SETD1A: variants seen among roughly 807,000 people sequenced by gnomAD.
The protein encoded by SETD1A is histone-lysine N-methyltransferase SETD1A.
A neutral mutation model predicts 149.9 loss-of-function variants in SETD1A; 29 were observed. The ratio of observed to expected loss-of-function variants is 0.19; its 90% confidence interval spans 0.14 to 0.26. The LOEUF is 0.26. Ranked by LOEUF, SETD1A falls within the 10% of genes least tolerant of loss-of-function variation. SETD1A has a pLI of 1.00. For synonymous variants in SETD1A, 1,141 were observed against 968.5 expected (o/e 1.18, Z -3.31); for missense variants, 2,109 against 2,353.1 (o/e 0.90, Z 2.15).
chr16:30,980,205 T>C lies in SETD1A; in HGVS notation c.4408+11T>C. On this transcript the variant is annotated intron_variant, in intron 14 of 18. Coordinates refer to ENST00000262519, the MANE Select transcript of SETD1A (RefSeq NM_014712.3). The surrounding 1 kb of genome is among the most constrained non-coding windows in gnomAD (Gnocchi z 7.7). ...GGGTCCATCACACAAATATCCTGAG[T>C]GTGGGCGGCCTTCCCCGGGCTTGGG... The C allele has an allele frequency of 1.9e-6, 3 of 1,587,738 alleles. No homozygotes were observed. The South Asian group carries it at 3.4e-5, about 18-fold the overall frequency.
Position 30,979,650 on chromosome 16 carries a change from C to A in SETD1A, c.3864C>A (p.Arg1288=). The A allele has an allele frequency of 6.2e-7, 1 of 1,609,774 alleles. No homozygotes were observed. Among genetic ancestry groups the A allele is most frequent in the Non-Finnish European group, 8.5e-7 (1 of 1,179,724 alleles). The change falls in exon 14 of 19, where the codon CGC becomes CGA. Residue 1288 remains arginine, a synonymous_variant. Transcript: ENST00000262519. ...EATETSDEAE[R]PRPLLSHILL... ...CAGAGACATCGGACGAGGCCGAGCG[C>A]CCTAGGCCCCTGCTCAGCCACATCC...
At chr16:30,959,029 C>T in intron 2 of SETD1A, 62 bp from the exon 3 acceptor site, 3 of 1,467,180 alleles carry the variant, frequency 2.0e-6, no homozygotes, top group Middle Eastern at 1.7e-4. Flanking sequence ...AGATGGGCTG[C>T]TTGGAGCTCC....
At chr16:30,960,620 C>T (rs930798447) in intron 3 of SETD1A, among the ~76,000 whole-genome samples, 16 of 152,088 alleles carry the variant, frequency 1.1e-4, no homozygotes, top group Admixed American at 9.2e-4. Context: ...ATTTCCAGTG[C>T]CTCGTTCATG....
chr16:30,981,201 C>G, intron 17 of SETD1A, 21 bp downstream of exon 17: 1 of 1,613,260 alleles, frequency 6.2e-7, no homozygotes, highest in Non-Finnish European at 8.5e-7. Context: ...ACTCCCAGCC[C>G]CGCCCCGGCT....
intron 10 of SETD1A, among the ~76,000 whole-genome samples, chr16:30,967,836 C>G (rs993931566): frequency 2.0e-5 from 3 of 152,172 alleles, no homozygotes; most frequent in Non-Finnish European, 2.9e-5. Flanking sequence ...CCATGAAATT[C>G]AGTGTCTGGA....
intron 11 of SETD1A, 56 bp downstream of exon 11, chr16:30,969,518 T>G (rs2056197801): frequency 1.3e-6 from 2 of 1,599,802 alleles, no homozygotes; most frequent in Non-Finnish European, 8.5e-7. Flanking sequence ...GCCAGCATCT[T>G]TGTGGTTGGA....
chr16:30,966,159 C>T lies in SETD1A; in HGVS notation c.2278C>T (p.Pro760Ser). 4.4e-6 allele frequency: 7 copies of T among 1,608,516 alleles called. No individual in the cohort carries two copies. Among genetic ancestry groups the T allele is most frequent in the South Asian group, 1.1e-5 (1 of 90,690 alleles). Residue 760 changes from proline to serine, a missense_variant, in exon 8 of 19, where the codon CCC becomes TCC. Physicochemically the swap from Pro to Ser is moderately conservative, Grantham distance 74. Coordinates refer to ENST00000262519, the MANE Select transcript of SETD1A (RefSeq NM_014712.3). ...CATGCCAATGGCAGCCGAGCCCCTGCCCTCCTCCTCAGTCTCGGGAGAGGA... is the reference window on the plus strand; with the variant it reads ...CATGCCAATGGCAGCCGAGCCCCTGTCCTCCTCCTCAGTCTCGGGAGAGGA... ...LPMPMAAEPL[P>S]SSSVSGEEAR...
intron 4 of SETD1A, among the ~76,000 whole-genome samples, chr16:30,962,184 C>T (rs1368425685): frequency 2.0e-5 from 3 of 152,078 alleles, no homozygotes; most frequent in African/African-American, 4.8e-5. Context: ...TCTGCCTCAG[C>T]CTCTTGAGTA....
At position 30,958,649 on chromosome 16, in the gene SETD1A, A is replaced by G. The variant is rs1336511562; in HGVS notation, c.-15-68A>G. 4.3e-6 allele frequency: 6 copies of G among 1,388,262 alleles called. No homozygotes were observed. In the East Asian group the frequency reaches 9.2e-5, roughly 21 times the overall value. 86.0% of individuals were successfully genotyped at this position (1,388,262 alleles called of 1,614,324 possible). On this transcript the variant is annotated intron_variant, in intron 1 of 18. Coordinates refer to ENST00000262519, the MANE Select transcript of SETD1A (RefSeq NM_014712.3). ...GAGAACCTGGAATCGGGGCTAGCCA[A>G]TGAGGAAAGGCAGGGGAGTCAGGCC...
rs2056160569 is a variant in SETD1A at position 30,967,211 on chromosome 16, T to C, written c.2682+151T>C. 6 of 662,888 alleles carry C rather than the reference T, an allele frequency of 9.1e-6. No homozygotes were observed. In the East Asian group the frequency reaches 1.7e-4, roughly 18 times the overall value. 41.1% of individuals were successfully genotyped at this position (662,888 alleles called of 1,614,324 possible). A position where few individuals can be genotyped will look rare whatever the true frequency, so the allele number is the denominator to read the frequency against. On this transcript the variant is annotated intron_variant, in intron 9 of 18. Transcript: ENST00000262519. The stretch of plus-strand genomic sequence containing the variant: ...CTCTGTTGCCCAGGCTGGAGTGCAG[T>C]GGCCTGATCTCAGCTCACTGCAACC...
Position 30,961,138 on chromosome 16 carries a change from G to A in SETD1A, c.247-129G>A, listed in dbSNP as rs187183485. ...AGGTCTGATGGATCCCTTATTTTGG[G>A]CCCCTTCCCTTGCCCCTCACTTTCC... On this transcript the variant is annotated intron_variant, in intron 3 of 18. Coordinates refer to ENST00000262519, the MANE Select transcript of SETD1A (RefSeq NM_014712.3). This position sits in a 1 kb window ranked among gnomAD's most constrained non-coding sequence, Gnocchi z 4.0. The A allele has an allele frequency of 5.0e-4, 435 of 875,906 alleles. No individual in the cohort carries two copies. In the African/African-American group the frequency reaches 6.4e-3, roughly 13 times the overall value. 54.3% of individuals were successfully genotyped at this position (875,906 alleles called of 1,614,324 possible).
At chr16:30,968,280 G>A (rs1399391964) in intron 10 of SETD1A, among the ~76,000 whole-genome samples, 1 of 152,080 alleles carries the variant, frequency 6.6e-6, no homozygotes, top group Non-Finnish European at 1.5e-5. Context: ...GTGTTCACCT[G>A]TAATCCCAGC....
intron 17 of SETD1A, among the ~76,000 whole-genome samples, chr16:30,982,336 AC>A: frequency 6.6e-6 from 1 of 152,130 alleles, no homozygotes; most frequent in East Asian, 1.9e-4. Context: ...CCCCGTCTCT[AC>A]TAAAAATACA....
At position 30,980,165 on chromosome 16, in the gene SETD1A, T is replaced by C; in HGVS notation, c.4379T>C (p.Leu1460Pro). Residue 1460 changes from leucine (L) to proline (P), a missense_variant, in exon 14 of 19, where the codon CTC (leucine) becomes CCC (proline). Transcript: ENST00000262519. This position sits in a 1 kb window ranked among gnomAD's most constrained non-coding sequence, Gnocchi z 7.7. ...CAGCAGACAAGCGGGGCTGACTGGCTCAACGACACTCACTGGGTCCATCAC... is the reference window on the plus strand; with the variant it reads ...CAGCAGACAAGCGGGGCTGACTGGCCCAACGACACTCACTGGGTCCATCAC... ...LLQQTSGADWLNDTHWVHHTI... is the reference protein window; with the variant it reads ...LLQQTSGADWPNDTHWVHHTI... 1 of 1,608,562 alleles carries C rather than the reference T, an allele frequency of 6.2e-7. No homozygotes were observed. The highest frequency in any genetic ancestry group is 8.5e-7 in the Non-Finnish European group (1 of 1,177,920).
chr16:30,962,062 TA>T (rs1263435201), intron 4 of SETD1A, among the ~76,000 whole-genome samples: 1 of 100,608 alleles, frequency 9.9e-6, no homozygotes, highest in Admixed American at 1.5e-4. Context: ...AGCCTGTTTT[TA>T]ATTTTTTTTT....
At chr16:30,968,786 C>T (rs1044086313) in intron 10 of SETD1A, among the ~76,000 whole-genome samples, 10 of 149,472 alleles carry the variant, frequency 6.7e-5, no homozygotes, top group East Asian at 6.0e-4. Flanking sequence ...GGCGACAAAG[C>T]GAGACTCCGT....
chr16:30,965,081 G>C lies in SETD1A; in HGVS notation c.1339G>C (p.Gly447Arg), dbSNP rs1166912319. The C allele has an allele frequency of 1.2e-6, 2 of 1,611,122 alleles. No homozygotes were observed. The highest frequency in any genetic ancestry group is 1.7e-5 in the Admixed American group (1 of 59,968). Residue 447 changes from glycine to arginine, a missense_variant, in exon 7 of 19, where the codon GGA becomes CGA. Gly to Arg is a moderately radical substitution (Grantham distance 125). Around this residue, in one of 8 missense-constraint regions of SETD1A, gnomAD observed 410 missense variants for 394.8 expected, o/e 1.04. Transcript: ENST00000262519. ...PPEPGGGGGGGGPSPEREEVR... is the reference protein window; with the variant it reads ...PPEPGGGGGGRGPSPEREEVR... ...AGAACCTGGTGGAGGCGGGGGTGGA[G>C]GAGGGCCCAGCCCTGAGAGAGAAGA... is the stretch of plus-strand genomic sequence containing the variant.
chr16:30,958,181 G>C (rs1400945108), intron 1 of SETD1A: 1 of 151,082 alleles, frequency 6.6e-6, no homozygotes, highest in Non-Finnish European at 1.5e-5. Context: ...GGTGCAGAAC[G>C]CGCCGGGGCG....
chr16:30,963,818 C>T lies in SETD1A; in HGVS notation c.639+264C>T, dbSNP rs188744931. On this transcript the variant is annotated intron_variant, in intron 5 of 18. Transcript: ENST00000262519. Reference sequence around the variant, plus strand: ...CCATCCTGACTAACACGGTGAAACCCCATCTCTACTAAAACTGCAAAAAAT... The same window carrying T: ...CCATCCTGACTAACACGGTGAAACCTCATCTCTACTAAAACTGCAAAAAAT... 3.0e-4 allele frequency among the ~76,000 whole-genome samples: 46 copies of T among 152,260 alleles called. 1 individual carries two copies. Among genetic ancestry groups the T allele is most frequent in the South Asian group, 1.5e-3 (7 of 4,824 alleles).
Sources: gnomAD v4.1 joint callset for allele counts (sites outside exome capture counted in the v4.1 genomes callset) on GRCh38, gnomAD v4.1.1 for gene constraint, gnomAD v4.1.1 regional missense constraint, Gnocchi (gnomAD v3.1) non-coding constraint, MANE v1.5 for transcripts, NCBI Gene and HGNC (gene_info 2026-07-23, HGNC 2026-07-21) for gene names.